PTK2: variants seen among roughly 807,000 people sequenced by gnomAD.
The protein encoded by PTK2 is protein tyrosine kinase 2, also known as focal adhesion kinase 1.
A neutral mutation model predicts 150.1 loss-of-function variants in PTK2; 45 were observed. That is an observed-to-expected ratio of 0.30 (90% CI 0.24 to 0.38). PTK2 has a LOEUF of 0.38. PTK2 is among the 10% of genes least tolerant of loss of function. The probability of loss-of-function intolerance (pLI) is 1.00; values close to 1 mark genes in which losing one functional copy is unlikely to be tolerated. For missense variants in PTK2, 919 were observed against 1,307.3 expected (o/e 0.70, Z 4.58); for synonymous variants, 432 against 449.2 (o/e 0.96, Z 0.48).
intron 7 of PTK2, among the ~76,000 whole-genome samples, chr8:140,840,258 C>T (rs2100121530): frequency 6.6e-6 from 1 of 152,258 alleles, no homozygotes; most frequent in East Asian, 1.9e-4. Context: ...TGAGGTCTCG[C>T]TATGCTATCC....
rs1596280502 is a variant in PTK2, at chr8:140,803,711, G to T, written c.868-61C>A. ...ATAAAAAACTCATTTCACAGAGTCTGTAAATGTTCTGTGAAATCCTCGTTG... is the reference window on the plus strand; with the variant it reads ...ATAAAAAACTCATTTCACAGAGTCTTTAAATGTTCTGTGAAATCCTCGTTG... On this transcript the variant is annotated intron_variant, in intron 10 of 31. Coordinates refer to ENST00000522684, the Ensembl canonical transcript of PTK2. 4 of 1,423,778 alleles carry T rather than the reference G, an allele frequency of 2.8e-6. No homozygotes were observed. The East Asian group carries it at 9.1e-5, about 32-fold the overall frequency. 88.2% of individuals were successfully genotyped at this position (1,423,778 alleles called of 1,614,324 possible).
intron 23 of PTK2, among the ~76,000 whole-genome samples, chr8:140,716,027 T>A (rs1403201082): frequency 3.3e-5 from 5 of 152,206 alleles, no homozygotes; most frequent in Non-Finnish European, 7.4e-5. Context: ...ACCAAATACT[T>A]ATGTTACTTT....
chr8:140,830,658 T>C (rs1431696872), intron 7 of PTK2, 132 bp from the exon 8 acceptor site: 3 of 552,440 alleles, frequency 5.4e-6, no homozygotes, highest in Non-Finnish European at 9.3e-6. Flanking sequence ...ACAAGTATAA[T>C]AATGCTTTAA....
chr8:140,879,252 G>T (rs2100147516), intron 4 of PTK2: 1 of 422,992 alleles, frequency 2.4e-6, no homozygotes, highest in Non-Finnish European at 4.0e-6. Context: ...ACAGAAAACG[G>T]AAATCAGATG....
At chr8:140,927,097 G>A (rs1457285743) in intron 1 of PTK2, among the ~76,000 whole-genome samples, 1 of 152,138 alleles carries the variant, frequency 6.6e-6, no homozygotes, top group Non-Finnish European at 1.5e-5. Context: ...ACACAGGACA[G>A]AAGAAGAAGT....
chr8:140,963,333 T>A (rs377671111), intron 1 of PTK2, among the ~76,000 whole-genome samples: 5 of 152,218 alleles, frequency 3.3e-5, no homozygotes, highest in East Asian at 1.9e-4. Context: ...GAAGGTTATC[T>A]AATTTTCCAA....
At chr8:140,878,208 G>GT (rs1170428032) in intron 4 of PTK2, among the ~76,000 whole-genome samples, 2 of 152,200 alleles carry the variant, frequency 1.3e-5, no homozygotes, top group Non-Finnish European at 2.9e-5. Context: ...TTCTCAAGGA[G>GT]TATTTTGTTA....
intron 2 of PTK2, among the ~76,000 whole-genome samples, chr8:140,922,620 C>A (rs571030259): frequency 6.6e-6 from 1 of 152,116 alleles, no homozygotes; most frequent in African/African-American, 2.4e-5. Context: ...TTGGAACTTA[C>A]GGCTCTCAAA....
At chr8:140,734,780 G>C (rs1024515308) in intron 22 of PTK2, 1 of 516,648 alleles carries the variant, frequency 1.9e-6, no homozygotes, top group African/African-American at 1.9e-5. Flanking sequence ...ATCTGAGCTG[G>C]GTTCTGAAAA....
chr8:140,916,332 C>G (rs529813704), intron 2 of PTK2, among the ~76,000 whole-genome samples: 1 of 152,326 alleles, frequency 6.6e-6, no homozygotes, highest in South Asian at 2.1e-4. Flanking sequence ...ACCACCACCT[C>G]GTAGGCACGA....
At chr8:140,798,350 T>C (rs548782769) in intron 12 of PTK2, among the ~76,000 whole-genome samples, 56 of 152,330 alleles carry the variant, frequency 3.7e-4, no homozygotes, top group Non-Finnish European at 5.0e-4. Flanking sequence ...ATGAAATAGT[T>C]ATATAATACA....
intron 1 of PTK2, among the ~76,000 whole-genome samples, chr8:140,995,396 A>G (rs920988959): frequency 5.3e-5 from 8 of 151,506 alleles, no homozygotes; most frequent in East Asian, 1.9e-4. Flanking sequence ...AAAAAAAAAA[A>G]AAAGAAAAGA....
chr8:140,779,279 C>T lies in PTK2; in HGVS notation c.1177+10195G>A, dbSNP rs559172944. ...AAAAAAGAAAAAAAAAAAAAGAAGA[C>T]ATGCTGGAGGAATTGCCTACCATGA... On this transcript the variant is annotated intron_variant, in intron 14 of 31. Coordinates refer to ENST00000522684, the Ensembl canonical transcript of PTK2. Among the ~76,000 whole-genome samples, 11 of 149,150 alleles carry T rather than the reference C, an allele frequency of 7.4e-5. No individual in the cohort carries two copies. The East Asian group carries it at 2.2e-3, about 29-fold the overall frequency.
chr8:140,679,781 G>C (rs748045235), intron 27 of PTK2, among the ~76,000 whole-genome samples: 4 of 151,966 alleles, frequency 2.6e-5, no homozygotes, highest in Non-Finnish European at 5.9e-5. Context: ...TTACTAACTA[G>C]TTCACATCCA....
chr8:140,971,566 A>G (rs1265445103), intron 1 of PTK2, among the ~76,000 whole-genome samples: 2 of 152,236 alleles, frequency 1.3e-5, no homozygotes, highest in Non-Finnish European at 2.9e-5. Context: ...TAGCTCTGCA[A>G]TCAATTTTTT....
chr8:140,888,286 T>C lies in PTK2; in HGVS notation c.195+2257A>G, dbSNP rs182356088. Among the ~76,000 whole-genome samples the C allele has an allele frequency of 8.0e-3, 1,224 of 152,326 alleles. 17 individuals carry two copies. Among genetic ancestry groups the C allele is most frequent in the South Asian group, 0.041 (199 of 4,824 alleles). On this transcript the variant is annotated intron_variant, in intron 3 of 31. Coordinates refer to ENST00000522684, the Ensembl canonical transcript of PTK2. ...CACTCATTAATTTACAATTATGATA[T>C]TGCATTTTCAAATGTTATAGCATTA...
chr8:140,809,261 A>C (rs1336992864), intron 10 of PTK2, among the ~76,000 whole-genome samples: 1 of 152,242 alleles, frequency 6.6e-6, no homozygotes, highest in East Asian at 1.9e-4. Context: ...AATGAAAATG[A>C]ATAGTACTGC....
At chr8:140,761,053 C>T (rs2100069144) in intron 16 of PTK2, 112 bp downstream of exon 19, 1 of 715,828 alleles carries the variant, frequency 1.4e-6, no homozygotes, top group African/African-American at 1.8e-5. Context: ...ATAAAAGACA[C>T]CCGTAAATAT....
At chr8:140,713,728 A>T (rs557201480) in intron 23 of PTK2, among the ~76,000 whole-genome samples, 107 of 152,346 alleles carry the variant, frequency 7.0e-4, no homozygotes, top group African/African-American at 2.5e-3. Flanking sequence ...ACTCCCATGC[A>T]GGGCTTGTCT....
Sources: allele counts gnomAD v4.1 joint callset (sites outside exome capture counted in the v4.1 genomes callset), GRCh38; gene constraint gnomAD v4.1.1; transcripts MANE v1.5; gene names NCBI Gene and HGNC (gene_info 2026-07-23, HGNC 2026-07-21).